Variants in COLEC12 observed in about 807,000 individuals in gnomAD.
COLEC12 encodes collectin subfamily member 12.
Under a neutral mutation model 71.1 loss-of-function variants are expected in COLEC12, and 33 were observed. The observed-to-expected ratio is 0.46, with a 90% CI of 0.35 to 0.62. The LOEUF (loss-of-function observed/expected upper bound fraction) is 0.62, where lower values mean the gene tolerates loss of function less well. Among genes scored for constraint, COLEC12 ranks in the 20% least tolerant of loss-of-function variants. The pLI, the probability that COLEC12 is intolerant of heterozygous loss-of-function variation, is 0.00. For missense variants in COLEC12, 765 were observed against 916.1 expected (o/e 0.84, Z 2.13); for synonymous variants, 350 against 353.0 (o/e 0.99, Z 0.10).
intron 2 of COLEC12, among the ~76,000 whole-genome samples, chr18:395,579 A>T (rs1380795000): frequency 6.6e-6 from 1 of 152,242 alleles, no homozygotes; most frequent in Non-Finnish European, 1.5e-5. Flanking sequence ...CATGCATTCC[A>T]AGAGGGTACT....
chr18:425,077 A>G (rs1272081668), intron 2 of COLEC12, among the ~76,000 whole-genome samples: 2 of 152,130 alleles, frequency 1.3e-5, no homozygotes, highest in Non-Finnish European at 2.9e-5. Context: ...GGGAGGCATG[A>G]TCTGTAACCT....
At chr18:359,187 T>C (rs1271183803) in intron 2 of COLEC12, among the ~76,000 whole-genome samples, 1 of 152,188 alleles carries the variant, frequency 6.6e-6, no homozygotes, top group Non-Finnish European at 1.5e-5. Flanking sequence ...ACTGTTAAAT[T>C]TGTAAGAACT....
At chr18:477,759 G>A (rs1917333741) in intron 2 of COLEC12, among the ~76,000 whole-genome samples, 2 of 152,142 alleles carry the variant, frequency 1.3e-5, no homozygotes, top group Non-Finnish European at 1.5e-5. Context: ...ACGTTGGCAG[G>A]TGTCCCCCTG....
chr18:361,993 C>T (rs1395494244), intron 2 of COLEC12, among the ~76,000 whole-genome samples: 1 of 152,146 alleles, frequency 6.6e-6, no homozygotes, highest in African/African-American at 2.4e-5. Context: ...GAAGGTTGTG[C>T]AGAGGTCAAG....
At chr18:434,012 A>C (rs1456995600) in intron 2 of COLEC12, among the ~76,000 whole-genome samples, 2 of 151,698 alleles carry the variant, frequency 1.3e-5, no homozygotes, top group East Asian at 3.9e-4. Flanking sequence ...AGCAGCTTAT[A>C]ATCTTCCAAA....
At chr18:475,027 TCG>T (rs1917276865) in intron 2 of COLEC12, among the ~76,000 whole-genome samples, 2 of 151,784 alleles carry the variant, frequency 1.3e-5, no homozygotes, top group Admixed American at 1.3e-4. Flanking sequence ...TGAGCCGAGA[TCG>T]CGCCACTGCA....
At chr18:369,473 A>G (rs1246288367) in intron 2 of COLEC12, among the ~76,000 whole-genome samples, 2 of 100,250 alleles carry the variant, frequency 2.0e-5, no homozygotes, top group Non-Finnish European at 4.4e-5. Context: ...TTATACTTTA[A>G]GTTTTAGGGT....
At chr18:365,259 G>C (rs1210224951) in intron 2 of COLEC12, among the ~76,000 whole-genome samples, 1 of 152,132 alleles carries the variant, frequency 6.6e-6, no homozygotes, top group African/African-American at 2.4e-5. Context: ...AGTAAATTCT[G>C]CCCTAAATAA....
intron 2 of COLEC12, among the ~76,000 whole-genome samples, chr18:429,380 T>C (rs907833705): frequency 6.8e-6 from 1 of 146,448 alleles, no homozygotes; most frequent in Non-Finnish European, 1.5e-5. Flanking sequence ...GTAATTCTTT[T>C]TTTCTTTCTT....
In COLEC12 at chr18:382,994, A is replaced by G. The variant is rs34787439; in HGVS notation, c.59-25472T>C. On this transcript the variant is annotated intron_variant, in intron 2 of 9. Coordinates refer to ENST00000400256, the MANE Select transcript of COLEC12 (RefSeq NM_130386.3). The stretch of plus-strand genomic sequence containing the variant: ...GCAATGATTTTTTGGGGTGTCATCT[A>G]CAGGCAAAGAGCATGCATTCTGGCC... Among the ~76,000 whole-genome samples, 924 of 152,236 alleles carry G rather than the reference A, an allele frequency of 6.1e-3. 5 individuals are homozygous for G. The highest frequency in any genetic ancestry group is 6.7e-3 in the Non-Finnish European group (453 of 68,018).
intron 2 of COLEC12, among the ~76,000 whole-genome samples, chr18:456,306 C>T (rs1424222664): frequency 6.6e-6 from 1 of 152,160 alleles, no homozygotes; most frequent in Non-Finnish European, 1.5e-5. Context: ...TCTCTAGTTC[C>T]ACAACCTTCA....
intron 2 of COLEC12, among the ~76,000 whole-genome samples, chr18:438,937 C>A (rs1916458820): frequency 6.6e-6 from 1 of 151,990 alleles, no homozygotes; most frequent in Non-Finnish European, 1.5e-5. Flanking sequence ...GTTAAAGGGG[C>A]AACTAAAAGG....
At chr18:491,386 C>T (rs539908825) in intron 1 of COLEC12, among the ~76,000 whole-genome samples, 2 of 152,350 alleles carry the variant, frequency 1.3e-5, no homozygotes, top group East Asian at 1.9e-4. Context: ...GGTTTGAAGA[C>T]TGGCTCCACC....
Position 353,737 on chromosome 18 carries a change from C to T in COLEC12, c.181+3663G>A, listed in dbSNP as rs184539171. ...TGATCATGGCACTGTGGGATAAATA[C>T]TTCCTCTCTCTGGGACCTGGGGCTT... On this transcript the variant is annotated intron_variant, in intron 3 of 9. Coordinates refer to ENST00000400256, the MANE Select transcript of COLEC12 (RefSeq NM_130386.3). Among the ~76,000 whole-genome samples the T allele has an allele frequency of 2.7e-3, 409 of 152,336 alleles. 1 individual carries two copies. The highest frequency in any genetic ancestry group is 3.9e-3 in the Non-Finnish European group (267 of 68,038).
intron 3 of COLEC12, 60 bp from the exon 4 acceptor site, chr18:348,223 T>G: frequency 9.5e-7 from 1 of 1,056,776 alleles, no homozygotes; most frequent in Non-Finnish European, 1.5e-6. Context: ...TTTTTCAGTT[T>G]CAAAACAAGA....
chr18:426,004 A>G (rs1018097281), intron 2 of COLEC12, among the ~76,000 whole-genome samples: 5 of 152,190 alleles, frequency 3.3e-5, no homozygotes, highest in African/African-American at 1.2e-4. Flanking sequence ...TGTGCAGTGA[A>G]TCTTAAATAT....
chr18:373,143 G>T (rs1915037576), intron 2 of COLEC12, among the ~76,000 whole-genome samples: 1 of 152,196 alleles, frequency 6.6e-6, no homozygotes, highest in Non-Finnish European at 1.5e-5. Flanking sequence ...GATGAAAAAT[G>T]GGAAATTTGT....
chr18:471,393 T>C (rs981737763), intron 2 of COLEC12, among the ~76,000 whole-genome samples: 2 of 151,758 alleles, frequency 1.3e-5, no homozygotes, highest in African/African-American at 2.4e-5. Context: ...TGCTTAAGAC[T>C]ATAGAGAATA....
chr18:404,526 C>T (rs1450589158), intron 2 of COLEC12, among the ~76,000 whole-genome samples: 8 of 151,998 alleles, frequency 5.3e-5, no homozygotes, highest in African/African-American at 1.5e-4. Flanking sequence ...TAAAGTGGGA[C>T]GAAGGGTGGT....
Sources: allele counts gnomAD v4.1 joint callset (sites outside exome capture counted in the v4.1 genomes callset), GRCh38; gene constraint gnomAD v4.1.1; transcripts MANE v1.5; gene names NCBI Gene and HGNC (gene_info 2026-07-23, HGNC 2026-07-21).